Variants in ZNF385D observed in about 807,000 individuals in gnomAD.
ZNF385D encodes the protein zinc finger protein 659.
Under a neutral mutation model 35.8 loss-of-function variants are expected in ZNF385D, and 15 were observed. The ratio of observed to expected loss-of-function variants is 0.42; its 90% CI spans 0.28 to 0.64. The LOEUF (loss-of-function observed/expected upper bound fraction) is 0.64, where lower values mean the gene tolerates loss of function less well. Ranked by LOEUF, ZNF385D falls within the 30% of genes least tolerant of loss-of-function variation. ZNF385D has a pLI of 0.23. For missense variants in ZNF385D, 474 were observed against 494.6 expected (o/e 0.96, Z 0.39); for synonymous variants, 212 against 186.8 (o/e 1.13, Z -1.10).
chr3:22,166,826 G>C (rs1361261289), intron 3 of ZNF385D, among the ~76,000 whole-genome samples: 1 of 152,188 alleles, frequency 6.6e-6, no homozygotes, highest in African/African-American at 2.4e-5. Context: ...TTCTCCAAAA[G>C]AGGTTTGTGA....
chr3:21,931,902 C>G (rs1023864437), intron 3 of ZNF385D, among the ~76,000 whole-genome samples: 21 of 151,932 alleles, frequency 1.4e-4, no homozygotes, highest in African/African-American at 5.1e-4. Flanking sequence ...TGGCTCACAC[C>G]TGTAATCCCA....
chr3:21,965,572 A>G (rs1039729312), intron 3 of ZNF385D, among the ~76,000 whole-genome samples: 2 of 152,346 alleles, frequency 1.3e-5, no homozygotes, highest in Admixed American at 6.5e-5. Context: ...GTTTCACAAT[A>G]AAAGACTCAA....
rs576170877 is a variant in ZNF385D at position 22,269,380 on chromosome 3, A to G, written c.107-100345T>C. On this transcript the variant is annotated intron_variant, in intron 2 of 5. Transcript: ENST00000494108. ...TGACAGACTAAAGGCAGGAGGCACC[A>G]GTAGACTGTGAGCTGCTAAAATAGG... 3.9e-5 allele frequency among the ~76,000 whole-genome samples: 6 copies of G among 152,106 alleles called. No individual in the cohort carries two copies. In the South Asian group the frequency reaches 1.2e-3, roughly 32 times the overall value.
chr3:22,313,364 C>T (rs958436222), intron 2 of ZNF385D, among the ~76,000 whole-genome samples: 2 of 151,484 alleles, frequency 1.3e-5, no homozygotes, highest in South Asian at 2.1e-4. Context: ...CAAACCTGCA[C>T]GTTGTGCACA....
At chr3:21,928,746 C>T (rs1166129685) in intron 3 of ZNF385D, among the ~76,000 whole-genome samples, 1 of 152,046 alleles carries the variant, frequency 6.6e-6, no homozygotes, top group East Asian at 1.9e-4. Context: ...ATAAAATGGA[C>T]ATATTCATAG....
intron 3 of ZNF385D, among the ~76,000 whole-genome samples, chr3:21,804,066 G>C (rs550450553): frequency 6.6e-6 from 1 of 152,068 alleles, no homozygotes; most frequent in East Asian, 1.9e-4. Context: ...ATTTTATAGA[G>C]GTGTAAATTA....
At chr3:21,893,643 G>A (rs767891816) in intron 3 of ZNF385D, among the ~76,000 whole-genome samples, 4 of 152,236 alleles carry the variant, frequency 2.6e-5, no homozygotes, top group African/African-American at 4.8e-5. Flanking sequence ...TGAAATTCTA[G>A]CCATGCCAAG....
At chr3:21,798,502 T>G (rs1386994069) in intron 3 of ZNF385D, among the ~76,000 whole-genome samples, 1 of 152,210 alleles carries the variant, frequency 6.6e-6, no homozygotes, top group African/African-American at 2.4e-5. Flanking sequence ...TCTTCAAGGA[T>G]AGCAGGGGAA....
intron 1 of ZNF385D, among the ~76,000 whole-genome samples, chr3:21,727,847 A>C (rs1382747090): frequency 3.3e-5 from 5 of 152,192 alleles, no homozygotes; most frequent in Non-Finnish European, 7.3e-5. Flanking sequence ...TCATTCAACT[A>C]TAAAGACACA....
intron 3 of ZNF385D, among the ~76,000 whole-genome samples, chr3:21,994,308 A>C (rs543030489): frequency 1.4e-4 from 21 of 152,228 alleles, no homozygotes; most frequent in Non-Finnish European, 3.1e-4. Context: ...AGATTATGCC[A>C]AAGTGTTAAT....
chr3:21,746,823 C>G (rs544282243), intron 1 of ZNF385D, among the ~76,000 whole-genome samples: 1 of 152,150 alleles, frequency 6.6e-6, no homozygotes, highest in Non-Finnish European at 1.5e-5. Context: ...GCTTTCTGAT[C>G]GTTTCCTTCC....
At chr3:21,819,741 TAC>T (rs1289786710) in intron 3 of ZNF385D, among the ~76,000 whole-genome samples, 11 of 130,452 alleles carry the variant, frequency 8.4e-5, no homozygotes, top group African/African-American at 1.7e-4. Flanking sequence ...TGTGTATATA[TAC>T]ACACACGTAC....
At chr3:21,653,946 C>A (rs1480460485) in intron 2 of ZNF385D, among the ~76,000 whole-genome samples, 3 of 151,858 alleles carry the variant, frequency 2.0e-5, no homozygotes, top group Non-Finnish European at 4.4e-5. Context: ...GTCACAGAAG[C>A]ATTAACATGG....
chr3:21,727,301 AC>A (rs1329112405), intron 1 of ZNF385D, among the ~76,000 whole-genome samples: 1 of 152,216 alleles, frequency 6.6e-6, no homozygotes, highest in Admixed American at 6.5e-5. Flanking sequence ...AGCCATGGCA[AC>A]AAAAGCCAAA....
intron 3 of ZNF385D, among the ~76,000 whole-genome samples, chr3:22,118,888 TA>T (rs1366267119): frequency 6.6e-6 from 1 of 152,162 alleles, no homozygotes; most frequent in Non-Finnish European, 1.5e-5. Context: ...GCTTTGTAGA[TA>T]AAAGTTTTTA....
intron 3 of ZNF385D, among the ~76,000 whole-genome samples, chr3:21,813,432 G>T (rs187753585): frequency 6.6e-6 from 1 of 152,114 alleles, no homozygotes; most frequent in Non-Finnish European, 1.5e-5. Context: ...TGAACCCATC[G>T]CAAAGAAGCG....
chr3:22,024,433 T>G (rs926733190), intron 3 of ZNF385D, among the ~76,000 whole-genome samples: 35 of 152,104 alleles, frequency 2.3e-4, no homozygotes, highest in African/African-American at 8.5e-4. Context: ...GATGGAGTTA[T>G]TTCCTTGGTT....
intron 3 of ZNF385D, among the ~76,000 whole-genome samples, chr3:22,112,307 T>G (rs1044820372): frequency 6.6e-6 from 1 of 152,084 alleles, no homozygotes; most frequent in Non-Finnish European, 1.5e-5. Context: ...AAATAATGAA[T>G]AACCACAAGA....
chr3:22,260,489 A>T (rs575979542), intron 2 of ZNF385D, among the ~76,000 whole-genome samples: 1 of 152,004 alleles, frequency 6.6e-6, no homozygotes, highest in African/African-American at 2.4e-5. Context: ...CATTCTGCAC[A>T]TGTATCCCAG....
Sources: gnomAD v4.1 joint callset for allele counts (sites outside exome capture counted in the v4.1 genomes callset) on GRCh38, gnomAD v4.1.1 for gene constraint, MANE v1.5 for transcripts, NCBI Gene and HGNC (gene_info 2026-07-23, HGNC 2026-07-21) for gene names.